The following SHISA9 variants were observed in gnomAD, a reference collection of about 807,000 sequenced individuals.
SHISA9 encodes the protein protein shisa-9.
In SHISA9, 13 loss-of-function variants were observed where a neutral mutation model predicts 38.0. The observed-to-expected ratio is 0.34, with a 90% CI of 0.22 to 0.54. SHISA9 has a LOEUF of 0.54. Ranked by LOEUF, SHISA9 falls within the 20% of genes least tolerant of loss-of-function variation. SHISA9 has a pLI of 0.91. For missense variants in SHISA9, 538 were observed against 575.8 expected (o/e 0.93, Z 0.67); for synonymous variants, 275 against 242.0 (o/e 1.14, Z -1.27).
intron 2 of SHISA9, among the ~76,000 whole-genome samples, chr16:12,934,873 A>G (rs1304850886): frequency 6.6e-6 from 1 of 152,208 alleles, no homozygotes; most frequent in African/African-American, 2.4e-5. Flanking sequence ...ACTTAAGCAA[A>G]AAAGGGAAAT....
At chr16:12,904,071 A>T (rs866106669) in intron 1 of SHISA9, among the ~76,000 whole-genome samples, 3 of 152,050 alleles carry the variant, frequency 2.0e-5, no homozygotes. Flanking sequence ...AGGGGCTTCA[A>T]AGAAACCCTG....
intron 2 of SHISA9, among the ~76,000 whole-genome samples, chr16:13,000,530 G>A (rs1194389620): frequency 6.6e-6 from 1 of 152,132 alleles, no homozygotes. Flanking sequence ...TGCAGATTGG[G>A]AGGAGTAACT....
the SHISA9 span, among the ~76,000 whole-genome samples, chr16:13,507,941 A>ACTTTT: frequency 6.6e-6 from 1 of 152,218 alleles, no homozygotes; most frequent in African/African-American, 2.4e-5. Flanking sequence ...TCTGATTGCA[A>ACTTTT]CTGTAATGCA....
chr16:13,367,734 A>G, the SHISA9 span, among the ~76,000 whole-genome samples: 2 of 145,408 alleles, frequency 1.4e-5, no homozygotes, highest in South Asian at 4.2e-4. Context: ...ACACACACAC[A>G]CACACACACA....
At chr16:13,027,882 A>G (rs557943169) in intron 2 of SHISA9, among the ~76,000 whole-genome samples, 1 of 140,560 alleles carries the variant, frequency 7.1e-6, no homozygotes, top group African/African-American at 2.7e-5. Flanking sequence ...AGCCGAGACC[A>G]CGCCACTGCA....
intron 2 of SHISA9, among the ~76,000 whole-genome samples, chr16:13,170,444 G>C (rs1373290814): frequency 6.6e-6 from 1 of 152,058 alleles, no homozygotes; most frequent in Non-Finnish European, 1.5e-5. Context: ...GATTTGTGAT[G>C]ACAACACATG....
the SHISA9 span, among the ~76,000 whole-genome samples, chr16:13,396,299 G>A: frequency 6.6e-6 from 1 of 152,210 alleles, no homozygotes; most frequent in Non-Finnish European, 1.5e-5. Context: ...TTGAGGTCAG[G>A]AGTTTGAGAC....
Position 12,967,261 on chromosome 16 carries a change from G to A in SHISA9, c.691+50446G>A, listed in dbSNP as rs143321366. ...ATGATGAGTTCATGTCGTTTGTAGG[G>A]ACATAGATGAAGCTGGAAACCATCA... On this transcript the variant is annotated intron_variant, in intron 2 of 4. Transcript: ENST00000558583. Among the ~76,000 whole-genome samples, 1,018 of 152,264 alleles carry A rather than the reference G, an allele frequency of 6.7e-3. 7 individuals carry two copies. Among genetic ancestry groups the A allele is most frequent in the Non-Finnish European group, 9.9e-3 (673 of 68,016 alleles).
chr16:13,232,052 T>C (rs2051336512), intron 4 of SHISA9, among the ~76,000 whole-genome samples: 1 of 152,196 alleles, frequency 6.6e-6, no homozygotes, highest in Non-Finnish European at 1.5e-5. Context: ...GAATCAGATA[T>C]TGAAGATATG....
chr16:13,424,747 C>T, the SHISA9 span, among the ~76,000 whole-genome samples: 6 of 152,242 alleles, frequency 3.9e-5, no homozygotes, highest in Non-Finnish European at 7.4e-5. Flanking sequence ...GTAAACAAAT[C>T]GGCATGGCTA....
At chr16:12,990,714 G>C (rs77081430) in intron 2 of SHISA9, among the ~76,000 whole-genome samples, 1 of 152,094 alleles carries the variant, frequency 6.6e-6, no homozygotes, top group African/African-American at 2.4e-5. Flanking sequence ...AGGGATGCTG[G>C]TATACATCCC....
intron 2 of SHISA9, among the ~76,000 whole-genome samples, chr16:13,195,656 A>C: frequency 6.6e-6 from 1 of 152,212 alleles, no homozygotes; most frequent in Admixed American, 6.5e-5. Context: ...TTCCTAAGCC[A>C]GGCAATAGTT....
intron 2 of SHISA9, among the ~76,000 whole-genome samples, chr16:13,191,495 G>A (rs1030314986): frequency 8.6e-5 from 13 of 152,000 alleles, no homozygotes; most frequent in East Asian, 1.9e-4. Flanking sequence ...GTTTCAGTGC[G>A]TTGCTAAGCA....
chr16:12,912,308 T>C (rs2071195513), intron 1 of SHISA9, among the ~76,000 whole-genome samples: 1 of 152,150 alleles, frequency 6.6e-6, no homozygotes, highest in African/African-American at 2.4e-5. Flanking sequence ...ACTTTGGGGC[T>C]GAAATTTCAC....
intron 2 of SHISA9, among the ~76,000 whole-genome samples, chr16:13,127,447 A>G (rs1396074852): frequency 6.7e-6 from 1 of 149,650 alleles, no homozygotes; most frequent in Non-Finnish European, 1.5e-5. Context: ...GGAGAGAGAG[A>G]TCGAGGGAGG....
the SHISA9 span, among the ~76,000 whole-genome samples, chr16:13,440,948 A>G: frequency 6.6e-6 from 1 of 152,004 alleles, no homozygotes; most frequent in African/African-American, 2.4e-5. Flanking sequence ...AAAGTCATTG[A>G]TATATTCCAG....
In SHISA9 at chr16:13,023,655, A is replaced by G. The variant is rs142074272; in HGVS notation, c.691+106840A>G. Among the ~76,000 whole-genome samples the G allele has an allele frequency of 6.6e-3, 1,006 of 152,172 alleles. 7 individuals are homozygous for G. Among genetic ancestry groups the G allele is most frequent in the Middle Eastern group, 0.017 (5 of 292 alleles). On this transcript the variant is annotated intron_variant, in intron 2 of 4. Transcript: ENST00000558583. ...CCATCAACAGTGTAAAAGTATTCCT[A>G]TTTCTCCATATCCTCTCCAGCATCC...
At chr16:13,342,060 A>G in the SHISA9 span, among the ~76,000 whole-genome samples, 1 of 152,112 alleles carries the variant, frequency 6.6e-6, no homozygotes, top group Non-Finnish European at 1.5e-5. Flanking sequence ...TCCTCCCTAC[A>G]GTCTCACCAC....
chr16:13,135,832 T>G (rs1344353809), intron 2 of SHISA9, among the ~76,000 whole-genome samples: 1 of 152,206 alleles, frequency 6.6e-6, no homozygotes, highest in East Asian at 1.9e-4. Flanking sequence ...AGATTATTCT[T>G]TGAGGTTTCA....
Sources: allele counts gnomAD v4.1 joint callset (sites outside exome capture counted in the v4.1 genomes callset), GRCh38; gene constraint gnomAD v4.1.1; transcripts MANE v1.5; gene names NCBI Gene and HGNC (gene_info 2026-07-23, HGNC 2026-07-21).